Variants in ZBBX observed in about 807,000 individuals in gnomAD.
ZBBX encodes zinc finger B-box domain-containing protein 1.
Under a neutral mutation model 108.5 loss-of-function variants are expected in ZBBX, and 101 were observed. That is an observed-to-expected ratio of 0.93 (90% CI 0.79 to 1.10). The LOEUF (loss-of-function observed/expected upper bound fraction) is 1.10, where lower values mean the gene tolerates loss of function less well. ZBBX is among the 50% of genes least tolerant of loss of function. The probability of loss-of-function intolerance (pLI) is 0.00; values close to 1 mark genes in which losing one functional copy is unlikely to be tolerated. For synonymous variants in ZBBX, 356 were observed against 323.4 expected, an observed-to-expected ratio of 1.10 and a Z score of -1.08; for missense variants, 1,009 against 941.4, an observed-to-expected ratio of 1.07 and a Z score of -0.94.
intron 20 of ZBBX, among the ~76,000 whole-genome samples, chr3:167,261,738 T>C (rs1479532581): frequency 1.5e-5 from 2 of 137,126 alleles, no homozygotes; most frequent in Non-Finnish European, 3.0e-5. Context: ...GCTATATGGG[T>C]TTGAAAACTT....
At chr3:167,364,813 AACTTCAACTATCACTT>A (rs1745084720) in intron 6 of ZBBX, among the ~76,000 whole-genome samples, 1 of 151,920 alleles carries the variant, frequency 6.6e-6, no homozygotes, top group Non-Finnish European at 1.5e-5. Context: ...TTACTCCCTT[AACTTCAACTATCACTT>A]GAAAATTCAA....
At chr3:167,295,742 TATATATATATATATATAAAAAA>T (rs1431291316) in intron 18 of ZBBX, among the ~76,000 whole-genome samples, 3 of 31,996 alleles carry the variant, frequency 9.4e-5, no homozygotes, top group African/African-American at 1.6e-4. Flanking sequence ...TATATATATA[TATATATATATATATATAAAAAA>T]AACTAGTAAG....
intron 17 of ZBBX, among the ~76,000 whole-genome samples, chr3:167,298,696 G>C (rs1732088258): frequency 6.6e-6 from 1 of 152,018 alleles, no homozygotes; most frequent in Admixed American, 6.6e-5. Flanking sequence ...AGAAGTTCAT[G>C]AAATAAAATA....
chr3:167,402,679 A>G (rs994487945), intron 1 of ZBBX, among the ~76,000 whole-genome samples: 1 of 152,150 alleles, frequency 6.6e-6, no homozygotes, highest in East Asian at 1.9e-4. Flanking sequence ...TATCTTCAAT[A>G]GGAAAATATG....
At chr3:167,370,339 T>A (rs1745970371) in intron 4 of ZBBX, among the ~76,000 whole-genome samples, 1 of 152,138 alleles carries the variant, frequency 6.6e-6, no homozygotes, top group East Asian at 1.9e-4. Context: ...TCTAAAATAA[T>A]CCCATGTTTC....
chr3:167,198,984 G>A, the ZBBX span, among the ~76,000 whole-genome samples: 2 of 152,264 alleles, frequency 1.3e-5, no homozygotes, highest in African/African-American at 2.4e-5. Flanking sequence ...CATTTACTTT[G>A]TTTTTGTTTG....
At chr3:167,403,713 T>C (rs1157154010) in intron 1 of ZBBX, among the ~76,000 whole-genome samples, 2 of 152,086 alleles carry the variant, frequency 1.3e-5, no homozygotes, top group African/African-American at 4.8e-5. Flanking sequence ...TGGAGTATAT[T>C]AATTCAGTAT....
chr3:167,307,539 T>C (rs1452684333), intron 16 of ZBBX, among the ~76,000 whole-genome samples: 1 of 152,094 alleles, frequency 6.6e-6, no homozygotes, highest in Non-Finnish European at 1.5e-5. Flanking sequence ...AGAGCAAAAC[T>C]GGAGGCATCA....
intron 3 of ZBBX, 110 bp downstream of exon 3, chr3:167,373,596 G>T (rs1054933227): frequency 6.6e-6 from 1 of 152,028 alleles, no homozygotes; most frequent in South Asian, 2.1e-4. Context: ...CATAATCAAT[G>T]AATATATTAT....
Position 167,282,492 on chromosome 3 carries a change from T to C in ZBBX, c.2000A>G (p.Gln667Arg), listed in dbSNP as rs1360973921. The change falls in exon 20 of 22, where the codon CAG (glutamine) becomes CGG (arginine). Residue 667 changes from glutamine (Q) to arginine (R), a missense_variant. Gln to Arg is a conservative substitution (Grantham distance 43). Transcript: ENST00000675490. ...SSSRKQQKMGQKSQRPSTANF... is the reference protein window; with the variant it reads ...SSSRKQQKMGRKSQRPSTANF... ...TGCTGTTGAAGGTCTCTGTGATTTC[T>C]GACCTAAAATTAAAAGTAAAAAGTT... The C allele has an allele frequency of 6.3e-7, 1 of 1,593,836 alleles. No individual in the cohort carries two copies. The highest frequency in any genetic ancestry group is 1.1e-5 in the South Asian group (1 of 87,654).
At chr3:167,275,269 G>C (rs903918667) in intron 20 of ZBBX, among the ~76,000 whole-genome samples, 8 of 152,148 alleles carry the variant, frequency 5.3e-5, no homozygotes, top group African/African-American at 1.7e-4. Flanking sequence ...TTCTCACTTG[G>C]GAGGAGCCAA....
chr3:167,311,993 A>C (rs1734674124), intron 16 of ZBBX, among the ~76,000 whole-genome samples: 1 of 152,226 alleles, frequency 6.6e-6, no homozygotes, highest in African/African-American at 2.4e-5. Flanking sequence ...GAATATTTAT[A>C]GTAGTTTTGT....
At chr3:167,280,756 A>G (rs1463950211) in intron 20 of ZBBX, among the ~76,000 whole-genome samples, 1 of 151,844 alleles carries the variant, frequency 6.6e-6, no homozygotes, top group Non-Finnish European at 1.5e-5. Flanking sequence ...ATTACTGGGT[A>G]TATACCCAAA....
chr3:167,250,305 CCCAGGATGTG>C (rs1355888070), intron 20 of ZBBX, among the ~76,000 whole-genome samples: 1 of 152,100 alleles, frequency 6.6e-6, no homozygotes, highest in Non-Finnish European at 1.5e-5. Flanking sequence ...CCCCAAAATT[CCCAGGATGTG>C]CCTGCTAACT....
chr3:167,358,902 C>T (rs1462850320), intron 8 of ZBBX, among the ~76,000 whole-genome samples: 3 of 125,198 alleles, frequency 2.4e-5, no homozygotes, highest in Non-Finnish European at 4.7e-5. Flanking sequence ...CGCCACTGCA[C>T]TCCAGCCTGG....
the ZBBX span, among the ~76,000 whole-genome samples, chr3:167,181,979 A>G: frequency 1.3e-5 from 2 of 152,146 alleles, no homozygotes; most frequent in Non-Finnish European, 2.9e-5. Context: ...CGGGCCCCTC[A>G]TGGTGTTTCC....
At chr3:167,250,470 G>A (rs961818146) in intron 20 of ZBBX, among the ~76,000 whole-genome samples, 1 of 151,918 alleles carries the variant, frequency 6.6e-6, no homozygotes, top group Non-Finnish European at 1.5e-5. Context: ...GTAATCTCTG[G>A]CACTAAATTC....
At chr3:167,306,471 T>C (rs1041838809) in intron 16 of ZBBX, among the ~76,000 whole-genome samples, 2 of 152,168 alleles carry the variant, frequency 1.3e-5, no homozygotes, top group African/African-American at 4.8e-5. Flanking sequence ...GTGAACAAGA[T>C]TGTATTAGTC....
At chr3:167,304,226 T>C (rs1169184812) in intron 17 of ZBBX, among the ~76,000 whole-genome samples, 3 of 152,200 alleles carry the variant, frequency 2.0e-5, no homozygotes, top group Admixed American at 6.5e-5. Flanking sequence ...GTAATGAAGA[T>C]AGTCTTCCTC....
Sources: gnomAD v4.1 joint callset for allele counts (sites outside exome capture counted in the v4.1 genomes callset) on GRCh38, gnomAD v4.1.1 for gene constraint, MANE v1.5 for transcripts, NCBI Gene and HGNC (gene_info 2026-07-23, HGNC 2026-07-21) for gene names.